The following HPGDS variants were observed in gnomAD, a reference collection of about 807,000 sequenced individuals.
The protein encoded by HPGDS is GST class-sigma.
In HPGDS, 26 loss-of-function variants were observed where a neutral mutation model predicts 23.1. That is an observed-to-expected ratio of 1.13 (90% CI 0.83 to 1.56). HPGDS has a LOEUF of 1.56. Among genes scored for constraint, HPGDS ranks in the 40% most tolerant of loss-of-function variants. The pLI, the probability that HPGDS is intolerant of heterozygous loss-of-function variation, is 0.00. For synonymous variants in HPGDS, 95 were observed against 77.9 expected (o/e 1.22, Z -1.16); for missense variants, 268 against 236.4 (o/e 1.13, Z -0.88).
intron 3 of HPGDS, among the ~76,000 whole-genome samples, chr4:94,314,771 C>T (rs1043657714): frequency 2.0e-5 from 3 of 152,198 alleles, no homozygotes; most frequent in African/African-American, 4.8e-5. Flanking sequence ...CCTCCTTGAG[C>T]TGTGGTGGGC....
chr4:94,340,991 G>A (rs1721159531), intron 1 of HPGDS, among the ~76,000 whole-genome samples: 1 of 151,336 alleles, frequency 6.6e-6, no homozygotes, highest in Admixed American at 6.6e-5. Context: ...GATTACAGAC[G>A]CCCACCACCG....
intron 3 of HPGDS, among the ~76,000 whole-genome samples, chr4:94,316,959 CATAA>C (rs1447812934): frequency 6.6e-6 from 1 of 152,224 alleles, no homozygotes; most frequent in Non-Finnish European, 1.5e-5. Context: ...TTTCCCTGGT[CATAA>C]ATAATTTCCA....
intron 2 of HPGDS, among the ~76,000 whole-genome samples, chr4:94,331,327 G>T (rs1560594827): frequency 6.6e-6 from 1 of 152,162 alleles, no homozygotes; most frequent in Non-Finnish European, 1.5e-5. Flanking sequence ...TTTAAAAAAT[G>T]TTTGAAGTGG....
intron 4 of HPGDS, chr4:94,303,708 G>C (rs1193186160): frequency 6.6e-6 from 1 of 152,144 alleles, no homozygotes; most frequent in Non-Finnish European, 1.5e-5. Flanking sequence ...GTTGGCATCA[G>C]TCAGAAAAGT....
intron 1 of HPGDS, among the ~76,000 whole-genome samples, chr4:94,340,886 C>G (rs1400171817): frequency 7.2e-6 from 1 of 139,380 alleles, no homozygotes; most frequent in African/African-American, 2.8e-5. Flanking sequence ...GCTCTGTCGC[C>G]CAGGCTGGAG....
intron 3 of HPGDS, among the ~76,000 whole-genome samples, chr4:94,317,314 C>T (rs1274322959): frequency 6.6e-6 from 1 of 152,122 alleles, no homozygotes; most frequent in African/African-American, 2.4e-5. Context: ...CAGGTAAAAA[C>T]AAGAACAGTT....
At chr4:94,317,175 G>A (rs1756413589) in intron 3 of HPGDS, among the ~76,000 whole-genome samples, 1 of 152,264 alleles carries the variant, frequency 6.6e-6, no homozygotes, top group East Asian at 1.9e-4. Flanking sequence ...AGAGAATGGT[G>A]ATTCTACAGA....
chr4:94,341,161 C>T lies in HPGDS; in HGVS notation c.-10+1634G>A, dbSNP rs182529382. On this transcript the variant is annotated intron_variant, in intron 1 of 5. Transcript: ENST00000295256. ...AAACTTTTTTTTCTTTATAAATTAC[C>T]CAGTCTCAGGTATGTCTTAATCAGC... is the stretch of plus-strand genomic sequence containing the variant. Among the ~76,000 whole-genome samples the T allele has an allele frequency of 3.9e-5, 6 of 152,114 alleles. No individual in the cohort carries two copies. The East Asian group carries it at 1.2e-3, about 29-fold the overall frequency.
rs137999400 is a variant in HPGDS, at chr4:94,320,929, G to T, written c.134-2964C>A. On this transcript the variant is annotated intron_variant, in intron 2 of 5. Coordinates refer to ENST00000295256, the MANE Select transcript of HPGDS (RefSeq NM_014485.3). Reference sequence around the variant, plus strand: ...TTGAAGTCTTTAATCCATCTTGAATGAATTTTTGTATAAGGTGTAAGGAAG... The same window carrying T: ...TTGAAGTCTTTAATCCATCTTGAATTAATTTTTGTATAAGGTGTAAGGAAG... Among the ~76,000 whole-genome samples the T allele has an allele frequency of 8.6e-3, 1,304 of 152,156 alleles. 8 individuals are homozygous for T. The highest frequency in any genetic ancestry group is 0.054 in the Middle Eastern group (16 of 294).
In HPGDS at chr4:94,302,142, TCA is replaced by T. The variant is rs1756052909; in HGVS notation, c.435+2_435+3del. On this transcript the variant is annotated splice_donor_variant and splice_donor_region_variant and intron_variant, in intron 5 of 5. Transcript: ENST00000295256. LOFTEE classifies it high-confidence loss of function. ...GAATTTTTTAAGATATAAAACATAC[TCA>T]CAGAGTTACCAATAAGCCATTCTCT... is the stretch of plus-strand genomic sequence containing the variant. 6.3e-7 allele frequency: 1 copy of T among 1,584,254 alleles called. No homozygotes were observed. The highest frequency in any genetic ancestry group is 1.7e-4 in the Middle Eastern group (1 of 5,992).
At chr4:94,300,585 T>G (rs1248414204) in intron 5 of HPGDS, among the ~76,000 whole-genome samples, 1 of 152,152 alleles carries the variant, frequency 6.6e-6, no homozygotes, top group Non-Finnish European at 1.5e-5. Context: ...AATCCAGAAT[T>G]TATTCAAATA....
Position 94,315,684 on chromosome 4 carries a change from A to G in HPGDS, c.226+2189T>C, listed in dbSNP as rs77593146. Among the ~76,000 whole-genome samples, 204 of 152,364 alleles carry G rather than the reference A, an allele frequency of 1.3e-3. 1 individual carries two copies. The highest frequency in any genetic ancestry group is 4.7e-3 in the African/African-American group (197 of 41,590). On this transcript the variant is annotated intron_variant, in intron 3 of 5. Coordinates refer to ENST00000295256, the MANE Select transcript of HPGDS (RefSeq NM_014485.3). ...ACAGTGGATGAATTGTATGTAAATT[A>G]TACCTCAATAAAGGTGTTAAAATCG...
At chr4:94,313,596 G>C (rs1165839872) in intron 3 of HPGDS, among the ~76,000 whole-genome samples, 1 of 152,092 alleles carries the variant, frequency 6.6e-6, no homozygotes, top group African/African-American at 2.4e-5. Context: ...CAACTTTGGT[G>C]AATCTGACAA....
intron 4 of HPGDS, 34 bp from the exon 5 acceptor site, chr4:94,302,278 A>T (rs1329273222): frequency 7.0e-7 from 1 of 1,437,292 alleles, no homozygotes; most frequent in East Asian, 2.3e-5. Context: ...TTTAAGAATA[A>T]TGAGAAGAAA....
chr4:94,300,744 C>T (rs1353031119), intron 5 of HPGDS, among the ~76,000 whole-genome samples: 1 of 151,540 alleles, frequency 6.6e-6, no homozygotes, highest in Non-Finnish European at 1.5e-5. Flanking sequence ...AAAGTGAAGT[C>T]ATGTGATGGA....
rs564450333 is a variant in HPGDS, at chr4:94,312,451, G to C, written c.227-3708C>G. ...AGTTTACATGTAGTTGAGCGGTTTT[G>C]AGTGAGTTTCTTAATCCTGAGTTCT... On this transcript the variant is annotated intron_variant, in intron 3 of 5. Coordinates refer to ENST00000295256, the MANE Select transcript of HPGDS (RefSeq NM_014485.3). Among the ~76,000 whole-genome samples, 4 of 152,292 alleles carry C rather than the reference G, an allele frequency of 2.6e-5. No homozygotes were observed. In the East Asian group the frequency reaches 7.7e-4, roughly 29 times the overall value.
chr4:94,334,389 T>G (rs1043749542), intron 2 of HPGDS, 108 bp downstream of exon 2: 4 of 1,012,568 alleles, frequency 4.0e-6, no homozygotes, highest in Non-Finnish European at 1.4e-6. Context: ...CTTTTCAATT[T>G]AAAGCTACAT....
intron 4 of HPGDS, 79 bp from the exon 5 acceptor site, chr4:94,302,323 A>G (rs1756058619): frequency 5.4e-6 from 5 of 927,016 alleles, no homozygotes; most frequent in South Asian, 1.5e-5. Flanking sequence ...AGATTTCTCC[A>G]TCTTTATTCT....
At chr4:94,299,827 T>C (rs1756000287) in intron 5 of HPGDS, among the ~76,000 whole-genome samples, 183 bp from the exon 6 acceptor site, 1 of 152,224 alleles carries the variant, frequency 6.6e-6, no homozygotes, top group South Asian at 2.1e-4. Flanking sequence ...ATCAGGTTAC[T>C]ACTATTAAAC....
Sources: gnomAD v4.1 joint callset for allele counts (sites outside exome capture counted in the v4.1 genomes callset) on GRCh38, gnomAD v4.1.1 for gene constraint, MANE v1.5 for transcripts, NCBI Gene and HGNC (gene_info 2026-07-23, HGNC 2026-07-21) for gene names.